The following AMBP variants were observed in gnomAD, a reference collection of about 807,000 sequenced individuals.
The protein encoded by AMBP is protein AMBP.
In AMBP, 37 loss-of-function variants were observed where a neutral mutation model predicts 46.3. The observed-to-expected ratio is 0.80, with a 90% confidence interval of 0.61 to 1.05. AMBP has a LOEUF of 1.05. Among genes scored for constraint, AMBP ranks in the 50% least tolerant of loss-of-function variants. The probability of loss-of-function intolerance (pLI) is 0.00; values close to 1 mark genes in which losing one functional copy is unlikely to be tolerated. For missense variants in AMBP, 475 were observed against 461.2 expected (o/e 1.03, Z -0.27); for synonymous variants, 174 against 175.9 (o/e 0.99, Z 0.09).
At chr9:114,063,410 T>C (rs533033218) in intron 6 of AMBP, among the ~76,000 whole-genome samples, 13 of 152,194 alleles carry the variant, frequency 8.5e-5, no homozygotes, top group Admixed American at 2.0e-4. Flanking sequence ...TCTCAAAATT[T>C]CCCATCTCCT....
chr9:114,060,570 C>T (rs930408918), intron 9 of AMBP, among the ~76,000 whole-genome samples: 12 of 152,220 alleles, frequency 7.9e-5, no homozygotes, highest in Admixed American at 2.6e-4. Context: ...GTACTAACTC[C>T]GCGTCAGGTA....
chr9:114,069,809 C>T lies in AMBP; in HGVS notation c.557-64G>A, dbSNP rs10156515. 2,267 of 1,547,040 alleles carry T rather than the reference C, an allele frequency of 1.5e-3. 38 individuals carry two copies. The African/African-American group carries it at 0.028, about 19-fold the overall frequency. Reference sequence around the variant, plus strand: ...CCAGGCCCAGGGGCCATCCTAGACCCGGATTTGTATCTTTGGTGAGCATCG... The same window carrying T: ...CCAGGCCCAGGGGCCATCCTAGACCTGGATTTGTATCTTTGGTGAGCATCG... On this transcript the variant is annotated intron_variant, in intron 5 of 9. Transcript: ENST00000265132.
intron 4 of AMBP, among the ~76,000 whole-genome samples, chr9:114,073,337 C>T (rs1846765813): frequency 6.6e-6 from 1 of 151,832 alleles, no homozygotes; most frequent in South Asian, 2.1e-4. Context: ...AGCTCTGCCT[C>T]CCGGGTTCCC....
chr9:114,072,024 C>T (rs1326390418), intron 5 of AMBP, among the ~76,000 whole-genome samples: 2 of 152,250 alleles, frequency 1.3e-5, no homozygotes, highest in Non-Finnish European at 2.9e-5. Context: ...CTGTGTACCT[C>T]ATTCTTTCTG....
intron 6 of AMBP, 101 bp from the exon 7 acceptor site, chr9:114,062,859 A>G: frequency 2.6e-6 from 3 of 1,170,682 alleles, no homozygotes; most frequent in Middle Eastern, 2.0e-4. Context: ...TTTGGGAATC[A>G]GGGTAGGTAG....
chr9:114,060,886 G>A, intron 9 of AMBP, 39 bp downstream of exon 9: 1 of 1,592,106 alleles, frequency 6.3e-7, no homozygotes, highest in South Asian at 1.1e-5. Flanking sequence ...GACTCCAACA[G>A]CCCCTCGGCC....
At chr9:114,060,664 G>C (rs944380118) in intron 9 of AMBP, among the ~76,000 whole-genome samples, 1 of 152,134 alleles carries the variant, frequency 6.6e-6, no homozygotes, top group African/African-American at 2.4e-5. Context: ...AACGTTGCAG[G>C]TGCAAAATTA....
Position 114,062,733 on chromosome 9 carries a change from T to TG in AMBP, c.628dup (p.Gln210ProfsTer14). On this transcript the variant is annotated frameshift_variant, in exon 7 of 10. Coordinates refer to ENST00000265132, the MANE Select transcript of AMBP (RefSeq NM_001633.4). LOFTEE classifies it high-confidence loss of function. ...CCCACCCCCTGATCCTTCCTCTTCT[T>TG]GGGGTAGCACAGCCCTCCGGACTCT... 13 of 1,614,060 alleles carry TG rather than the reference T, an allele frequency of 8.1e-6. No individual in the cohort carries two copies. Among genetic ancestry groups the TG allele is most frequent in the East Asian group, 2.2e-5 (1 of 44,878 alleles).
chr9:114,065,485 T>C (rs1194176290), intron 6 of AMBP, among the ~76,000 whole-genome samples: 1 of 152,208 alleles, frequency 6.6e-6, no homozygotes, highest in Middle Eastern at 3.4e-3. Context: ...TACCAACAAC[T>C]TGATCTTGGA....
Position 114,062,725 on chromosome 9 carries a change from C to T in AMBP, c.637G>A (p.Glu213Lys), listed in dbSNP as rs748579048. Residue 213 changes from glutamate (E) to lysine (K), a missense_variant, in exon 7 of 10, where the codon GAA becomes AAA. By Grantham distance (56) the Glu-to-Lys change is moderately conservative (BLOSUM62 1). This residue lies in a region of AMBP where 293 missense variants were observed against 276.9 expected (regional missense o/e 1.06). Transcript: ENST00000265132. ...VRRAVLPQEE[E>K]GSGGGQLVTE... ...ACCAGTTGCCCACCCCCTGATCCTT[C>T]CTCTTCTTGGGGTAGCACAGCCCTC... is the stretch of plus-strand genomic sequence containing the variant. The T allele has an allele frequency of 3.1e-6, 5 of 1,614,068 alleles. No homozygotes were observed. The African/African-American group carries it at 4.0e-5, about 13-fold the overall frequency.
intron 3 of AMBP, 88 bp downstream of exon 3, chr9:114,074,872 A>C (rs927545948): frequency 8.5e-7 from 1 of 1,181,346 alleles, no homozygotes. Context: ...AAATGGGAGG[A>C]AAGGTTACAG....
intron 5 of AMBP, 121 bp from the exon 6 acceptor site, chr9:114,069,866 C>A: frequency 2.0e-6 from 2 of 984,914 alleles, no homozygotes; most frequent in Non-Finnish European, 3.2e-6. Flanking sequence ...TAGTCCACTT[C>A]ATGAATGGTC....
Position 114,062,600 on chromosome 9 carries a change from G to T in AMBP, c.685+77C>A. On this transcript the variant is annotated intron_variant, in intron 7 of 9. Coordinates refer to ENST00000265132, the MANE Select transcript of AMBP (RefSeq NM_001633.4). ...AGATAAAGAGACTGCACTGATAAGA[G>T]TAGCCAGGGTGAGCCAACTGTGGGC... The T allele has an allele frequency of 2.8e-6, 4 of 1,422,708 alleles. No homozygotes were observed. The African/African-American group carries it at 5.6e-5, about 20-fold the overall frequency. The allele number at this position is 1,422,708 out of a possible 1,614,324, so 88.1% of individuals were successfully genotyped here.
chr9:114,075,941 C>A (rs749154493), intron 2 of AMBP, among the ~76,000 whole-genome samples: 1 of 152,064 alleles, frequency 6.6e-6, no homozygotes, highest in African/African-American at 2.4e-5. Flanking sequence ...AGCAGGTTCA[C>A]GTGAGTAGGA....
Position 114,072,970 on chromosome 9 carries a change from C to A in AMBP, c.511G>T (p.Gly171Cys). The A allele has an allele frequency of 6.2e-7, 1 of 1,613,890 alleles. No homozygotes were observed. Among genetic ancestry groups the A allele is most frequent in the Non-Finnish European group, 8.5e-7 (1 of 1,179,848 alleles). The change falls in exon 5 of 10, where the codon GGT becomes TGT. Residue 171 changes from glycine (G) to cysteine (C), a missense_variant. Gly to Cys is a radical substitution (Grantham distance 159). Transcript: ENST00000265132. ...LLQDFRVVAQ[G>C]VGIPEDSIFT... The stretch of plus-strand genomic sequence containing the variant: ...ATGGAGTCCTCAGGGATGCCCACAC[C>A]CTGGGCAACCACTCTGAAGTCCTGC...
intron 6 of AMBP, among the ~76,000 whole-genome samples, chr9:114,065,186 G>C (rs1846681488): frequency 6.6e-6 from 1 of 151,600 alleles, no homozygotes; most frequent in African/African-American, 2.4e-5. Flanking sequence ...TCATATACTG[G>C]GGTCCTAACC....
At chr9:114,073,501 T>G (rs10982057) in intron 4 of AMBP, among the ~76,000 whole-genome samples, 34,543 of 143,810 alleles carry the variant, frequency 0.24, 4,196 homozygotes, top group East Asian at 0.38. Context: ...CTGTTTTTTT[T>G]TTTTTTTTTT....
At chr9:114,070,316 C>T (rs147751546) in intron 5 of AMBP, among the ~76,000 whole-genome samples, 2 of 152,192 alleles carry the variant, frequency 1.3e-5, no homozygotes, top group Non-Finnish European at 2.9e-5. Context: ...CCCTGTGGCT[C>T]CCACCCCTGA....
intron 4 of AMBP, among the ~76,000 whole-genome samples, chr9:114,073,312 T>C (rs1846765577): frequency 1.3e-5 from 2 of 151,386 alleles, no homozygotes; most frequent in Admixed American, 1.3e-4. Context: ...AGTGGCGTGA[T>C]CTCAGCTCAC....
Sources: allele counts gnomAD v4.1 joint callset (sites outside exome capture counted in the v4.1 genomes callset), GRCh38; gene constraint gnomAD v4.1.1; regional missense constraint gnomAD v4.1.1; transcripts MANE v1.5; gene names NCBI Gene and HGNC (gene_info 2026-07-23, HGNC 2026-07-21).